The following NRXN2 variants were observed in gnomAD, a reference collection of about 807,000 sequenced individuals.
The protein encoded by NRXN2 is neurexin-2-beta.
A neutral mutation model predicts 128.8 loss-of-function variants in NRXN2; 29 were observed. The ratio of observed to expected loss-of-function variants is 0.23; its 90% CI spans 0.17 to 0.31. The LOEUF (loss-of-function observed/expected upper bound fraction) is 0.31, where lower values mean the gene tolerates loss of function less well. NRXN2 is among the 10% of genes least tolerant of loss of function. NRXN2 has a pLI of 1.00. For missense variants in NRXN2, 1,881 were observed against 2,452.6 expected (o/e 0.77, Z 4.92); for synonymous variants, 1,098 against 1,075.2 (o/e 1.02, Z -0.41).
At chr11:64,680,244 G>A (rs1294083104) in intron 6 of NRXN2, among the ~76,000 whole-genome samples, 1 of 152,160 alleles carries the variant, frequency 6.6e-6, no homozygotes, top group Admixed American at 6.5e-5. Context: ...AGAAAGCCAA[G>A]AGAGGGAATA....
At chr11:64,696,563 A>ACACACACC (rs1555100837) in intron 3 of NRXN2, among the ~76,000 whole-genome samples, 1 of 148,480 alleles carries the variant, frequency 6.7e-6, no homozygotes, top group Non-Finnish European at 1.5e-5. Context: ...ACACACACAC[A>ACACACACC]CCTGCCTGCT....
rs565762342 is a variant in NRXN2 at position 64,697,790 on chromosome 11, C to T, written c.733G>A (p.Glu245Lys). Reference sequence around the variant, plus strand: ...CTTCACTCACCTTCCATGGGGTGCTCCTCTGCAGCCAGCGAGGTTCGGAGA... The same window carrying T: ...CTTCACTCACCTTCCATGGGGTGCTTCTCTGCAGCCAGCGAGGTTCGGAGA... The part of the protein sequence containing the change: ...GFGGKFCSEE[E>K]HPMEGPAHLT... The change falls in exon 3 of 23, where the codon GAG becomes AAG. Residue 245 changes from glutamate (E) to lysine (K), a missense_variant and splice_region_variant. By Grantham distance (56) the Glu-to-Lys change is moderately conservative (BLOSUM62 1). This residue lies in a region of NRXN2 where 997 missense variants were observed against 1,240.8 expected (regional missense o/e 0.80). Coordinates refer to ENST00000265459, the MANE Select transcript of NRXN2 (RefSeq NM_015080.4). 15 of 1,613,846 alleles carry T rather than the reference C, an allele frequency of 9.3e-6. No individual in the cohort carries two copies. Among genetic ancestry groups the T allele is most frequent in the Middle Eastern group, 1.7e-4 (1 of 6,056 alleles).
At chr11:64,654,603 C>T (rs2047978659) in intron 11 of NRXN2, among the ~76,000 whole-genome samples, 1 of 152,196 alleles carries the variant, frequency 6.6e-6, no homozygotes, top group African/African-American at 2.4e-5. Flanking sequence ...AGCCAGCAGC[C>T]CAGGGCCCTG....
In NRXN2 at chr11:64,635,321, C is replaced by A; in HGVS notation, c.3535G>T (p.Val1179Leu). ...AGGCCGGAGGCGCTGTCCACCCGCA[C>A]CAGCACAGCGCTCCGCTGGTGGGTG... ...FSTHQRSAVL[V>L]RVDSASGLGD... Residue 1179 changes from valine to leucine, a missense_variant, in exon 18 of 23, where the codon GTG (valine) becomes TTG (leucine). Physicochemically the swap from Val to Leu is conservative, Grantham distance 32. Coordinates refer to ENST00000265459, the MANE Select transcript of NRXN2 (RefSeq NM_015080.4). The surrounding 1 kb of genome is among the most constrained non-coding windows in gnomAD (Gnocchi z 4.8). 1 of 1,613,510 alleles carries A rather than the reference C, an allele frequency of 6.2e-7. No homozygotes were observed. Among genetic ancestry groups the A allele is most frequent in the Non-Finnish European group, 8.5e-7 (1 of 1,180,010 alleles).
At position 64,650,459 on chromosome 11, in the gene NRXN2, A is replaced by G. The variant is rs1198985415; in HGVS notation, c.3098T>C (p.Leu1033Pro). 1 of 1,613,926 alleles carries G rather than the reference A, an allele frequency of 6.2e-7. No homozygotes were observed. The highest frequency in any genetic ancestry group is 8.5e-7 in the Non-Finnish European group (1 of 1,180,026). ...GGCCCCAGCCCCACCTTTGAGATCGAGGTTTCGGGCGCCATTGGAGTGCTG... is the reference window on the plus strand; with the variant it reads ...GGCCCCAGCCCCACCTTTGAGATCGGGGTTTCGGGCGCCATTGGAGTGCTG... ...VTQHSNGARN[L>P]DLKGELYIGG... is the part of the protein sequence containing the mutation. The change falls in exon 15 of 23, where the codon CTC becomes CCC. Residue 1033 changes from leucine to proline, a missense_variant. Transcript: ENST00000265459.
chr11:64,685,515 GTTC>G, intron 6 of NRXN2, 128 bp downstream of exon 6: 1 of 1,250,126 alleles, frequency 8.0e-7, no homozygotes, highest in South Asian at 1.2e-5. Context: ...CCCAACTCCT[GTTC>G]TTCTCCAGAA....
chr11:64,630,360 C>A lies in NRXN2; in HGVS notation c.3757+42G>T. 1 of 1,583,278 alleles carries A rather than the reference C, an allele frequency of 6.3e-7. No homozygotes were observed. The highest frequency in any genetic ancestry group is 8.6e-7 in the Non-Finnish European group (1 of 1,166,838). The stretch of plus-strand genomic sequence containing the variant: ...CGCACTCCTATCAGAGGCCGCCACC[C>A]GCCCCGCCACCGCGCCTCCTCCGCG... On this transcript the variant is annotated intron_variant, in intron 19 of 22. Transcript: ENST00000265459. The surrounding 1 kb of genome is among the most constrained non-coding windows in gnomAD (Gnocchi z 4.6).
intron 2 of NRXN2, among the ~76,000 whole-genome samples, chr11:64,704,179 C>G (rs1400911059): frequency 1.3e-5 from 2 of 152,094 alleles, no homozygotes; most frequent in African/African-American, 4.8e-5. Context: ...ATTTCATTTG[C>G]TTAACTTTCA....
chr11:64,639,861 G>A (rs1372594404), intron 17 of NRXN2, among the ~76,000 whole-genome samples: 3 of 152,118 alleles, frequency 2.0e-5, no homozygotes, highest in Admixed American at 6.5e-5. Context: ...AGGAAGCCTG[G>A]CCTGGAAAGG....
intron 1 of NRXN2, among the ~76,000 whole-genome samples, chr11:64,721,604 G>A (rs900462583): frequency 1.3e-5 from 2 of 152,092 alleles, no homozygotes; most frequent in Non-Finnish European, 2.9e-5. Flanking sequence ...AGGCCTCACA[G>A]TTAGCAGACT....
At chr11:64,615,829 CGTGTGTGTGTGTGTGTGTGTGTGT>C (rs34781745) in intron 22 of NRXN2, among the ~76,000 whole-genome samples, 20,755 of 139,096 alleles carry the variant, frequency 0.15, 1,661 homozygotes, top group East Asian at 0.39. Context: ...TAGGCCCAAG[CGTGTGTGTGTGTGTGTGTGTGTGT>C]GTGTGTGTGT....
At chr11:64,608,638 G>GA (rs894315247) in intron 22 of NRXN2, among the ~76,000 whole-genome samples, 18 of 151,316 alleles carry the variant, frequency 1.2e-4, no homozygotes, top group South Asian at 8.3e-4. Flanking sequence ...GGTTCTCCCG[G>GA]AAAAAAAATA....
At position 64,718,706 on chromosome 11, in the gene NRXN2, C is replaced by G. The variant is rs146551534; in HGVS notation, c.-245+4265G>C. On this transcript the variant is annotated intron_variant, in intron 1 of 22. Transcript: ENST00000265459. Reference sequence around the variant, plus strand: ...AAGAGGACAGCAGACTGCTTGACCCCTGAGGTCCTTTTCAGGTGCAGAATG... The same window carrying G: ...AAGAGGACAGCAGACTGCTTGACCCGTGAGGTCCTTTTCAGGTGCAGAATG... Among the ~76,000 whole-genome samples the G allele has an allele frequency of 2.6e-3, 400 of 152,284 alleles. 1 individual carries two copies. Among genetic ancestry groups the G allele is most frequent in the African/African-American group, 9.1e-3 (378 of 41,552 alleles).
intron 17 of NRXN2, among the ~76,000 whole-genome samples, chr11:64,636,862 G>T (rs1026088590): frequency 8.5e-5 from 13 of 152,096 alleles, no homozygotes; most frequent in Non-Finnish European, 7.4e-5. Context: ...TCGCCTCAGG[G>T]ACTTGAACCC....
In NRXN2 at chr11:64,606,432, T is replaced by G; in HGVS notation, c.*764A>C. On this transcript the variant is annotated 3_prime_UTR_variant, in exon 23 of 23. Transcript: ENST00000265459. ...CTGTAATATATATCTGCATTTGCCTTTCCCCTCCCTCCCACCCCCCACCCC... is the reference window on the plus strand; with the variant it reads ...CTGTAATATATATCTGCATTTGCCTGTCCCCTCCCTCCCACCCCCCACCCC... The G allele has an allele frequency of 6.7e-6, 1 of 149,452 alleles. No individual in the cohort carries two copies. The allele number at this position is 149,452 out of a possible 1,614,324, so 9.3% of individuals were successfully genotyped here.
At chr11:64,688,403 GA>G (rs1240838507) in intron 5 of NRXN2, 1 of 985,332 alleles carries the variant, frequency 1.0e-6, no homozygotes, top group African/African-American at 1.7e-5. Flanking sequence ...AGTGTGGAAA[GA>G]AAACCCGAAG....
chr11:64,627,906 G>A (rs951042107), intron 19 of NRXN2, among the ~76,000 whole-genome samples: 1 of 152,144 alleles, frequency 6.6e-6, no homozygotes, highest in Admixed American at 6.5e-5. Flanking sequence ...CCCGGGCCTG[G>A]GCCTGCCTAT....
At chr11:64,698,622 G>A (rs1273171353) in intron 2 of NRXN2, among the ~76,000 whole-genome samples, 2 of 152,224 alleles carry the variant, frequency 1.3e-5, no homozygotes, top group African/African-American at 2.4e-5. Context: ...TGGGGGAAGA[G>A]AGTCCAAATT....
Position 64,607,980 on chromosome 11 carries a change from A to G in NRXN2, c.4355T>C (p.Phe1452Ser). Reference sequence around the variant, plus strand: ...TTGGGTGGCGCCCACTCCCGTGAGGAAGGGGTAGAAGGTAGGGGGCGGGGG... The same window carrying G: ...TTGGGTGGCGCCCACTCCCGTGAGGGAGGGGTAGAAGGTAGGGGGCGGGGG... ...FVPPPPTFYPFLTGVGATQDT... is the reference protein window; with the variant it reads ...FVPPPPTFYPSLTGVGATQDT... Residue 1452 changes from phenylalanine (F) to serine (S), a missense_variant, in exon 23 of 23, where the codon TTC (phenylalanine) becomes TCC (serine). Physicochemically the swap from Phe to Ser is radical, Grantham distance 155. Transcript: ENST00000265459. 4 of 1,481,924 alleles carry G rather than the reference A, an allele frequency of 2.7e-6. No homozygotes were observed. The highest frequency in any genetic ancestry group is 3.6e-6 in the Non-Finnish European group (4 of 1,107,600). 91.8% of individuals were successfully genotyped at this position (1,481,924 alleles called of 1,614,324 possible).
Sources: gnomAD v4.1 joint callset for allele counts (sites outside exome capture counted in the v4.1 genomes callset) on GRCh38, gnomAD v4.1.1 for gene constraint, gnomAD v4.1.1 regional missense constraint, Gnocchi (gnomAD v3.1) non-coding constraint, MANE v1.5 for transcripts, NCBI Gene and HGNC (gene_info 2026-07-23, HGNC 2026-07-21) for gene names.